GALNT1: variants seen among roughly 807,000 people sequenced by gnomAD.
GALNT1 encodes GalNAc transferase 1.
Under a neutral mutation model 65.7 loss-of-function variants are expected in GALNT1, and 17 were observed. The ratio of observed to expected loss-of-function variants is 0.26; its 90% CI spans 0.18 to 0.39. GALNT1 has a LOEUF of 0.39. Ranked by LOEUF, GALNT1 falls within the 10% of genes least tolerant of loss-of-function variation. The pLI is 1.00. For synonymous variants in GALNT1, 210 were observed against 219.7 expected (o/e 0.96, Z 0.39); for missense variants, 460 against 672.8 (o/e 0.68, Z 3.50).
At chr18:35,655,438 G>A (rs1360161070) in intron 2 of GALNT1, among the ~76,000 whole-genome samples, 1 of 151,028 alleles carries the variant, frequency 6.6e-6, no homozygotes, top group African/African-American at 2.4e-5. Flanking sequence ...GAGGACATTG[G>A]AAAATTCAGT....
chr18:35,612,795 G>A (rs373425397), intron 1 of GALNT1, among the ~76,000 whole-genome samples: 1 of 152,080 alleles, frequency 6.6e-6, no homozygotes, highest in East Asian at 1.9e-4. Context: ...AACCCAGGAG[G>A]TGGAGGTTGC....
chr18:35,624,469 C>T (rs969977970), intron 1 of GALNT1, among the ~76,000 whole-genome samples: 2 of 151,974 alleles, frequency 1.3e-5, no homozygotes, highest in African/African-American at 2.4e-5. Context: ...GTGTATGTCT[C>T]GTAAATAGCA....
At chr18:35,668,190 C>T (rs989496951) in intron 3 of GALNT1, among the ~76,000 whole-genome samples, 5 of 151,980 alleles carry the variant, frequency 3.3e-5, no homozygotes, top group African/African-American at 1.2e-4. Context: ...AGAGTGGAAA[C>T]TTAAAACTTG....
intron 1 of GALNT1, among the ~76,000 whole-genome samples, chr18:35,582,463 A>G (rs2046334231): frequency 1.3e-5 from 2 of 152,168 alleles, no homozygotes; most frequent in Non-Finnish European, 2.9e-5. Context: ...GATGATTTGC[A>G]TTGTCATTGC....
intron 9 of GALNT1, among the ~76,000 whole-genome samples, chr18:35,693,548 G>A (rs2048003734): frequency 1.3e-5 from 2 of 152,198 alleles, no homozygotes; most frequent in Non-Finnish European, 2.9e-5. Flanking sequence ...GGAAACAGGA[G>A]TAGAGCTGGT....
chr18:35,692,415 A>C, intron 9 of GALNT1, 95 bp downstream of exon 9: 1 of 731,346 alleles, frequency 1.4e-6, no homozygotes, highest in Non-Finnish European at 2.0e-6. Flanking sequence ...CAATAAGGAA[A>C]GTACCTTCAT....
rs75570628 is a variant in GALNT1, at chr18:35,620,781, C to CTTT, written c.-103-33768_-103-33766dup. On this transcript the variant is annotated intron_variant, in intron 1 of 11. Transcript: ENST00000269195. The stretch of plus-strand genomic sequence containing the variant: ...GTTCATGTGTACATTTAGGTTGTTA[C>CTTT]TTTTTTTTTTTTTGGTCATTATAAA... 5.7e-3 allele frequency among the ~76,000 whole-genome samples: 817 copies of CTTT among 142,134 alleles called. 17 individuals are homozygous for CTTT. The East Asian group carries it at 0.063, about 11-fold the overall frequency. 93.2% of individuals were successfully genotyped at this position (142,134 alleles called of 152,430 possible). A position where few individuals can be genotyped will look rare whatever the true frequency, so the allele number is the denominator to read the frequency against.
Position 35,687,019 on chromosome 18 carries a change from A to T in GALNT1, c.693A>T (p.Arg231Ser). 1 of 1,608,852 alleles carries T rather than the reference A, an allele frequency of 6.2e-7. No homozygotes were observed. Among genetic ancestry groups the T allele is most frequent in the East Asian group, 2.2e-5 (1 of 44,674 alleles). Reference sequence around the variant, plus strand: ...TAACTTGCTTTTATGACATCAGGAGAACAGTGGTGTGTCCCATCATCGATG... The same window carrying T: ...TAACTTGCTTTTATGACATCAGGAGTACAGTGGTGTGTCCCATCATCGATG... ...PLLARIKHDR[R>S]TVVCPIIDVI... The change falls in exon 6 of 12, where the codon AGA becomes AGT. Residue 231 changes from arginine (R) to serine (S), a missense_variant. Physicochemically the swap from Arg to Ser is moderately radical, Grantham distance 110. Coordinates refer to ENST00000269195, the MANE Select transcript of GALNT1 (RefSeq NM_020474.4).
intron 1 of GALNT1, chr18:35,597,334 G>T (rs893233882): frequency 6.6e-6 from 1 of 152,196 alleles, no homozygotes; most frequent in Non-Finnish European, 1.5e-5. Flanking sequence ...TTCTCACTGG[G>T]ATTATACAAG....
intron 3 of GALNT1, among the ~76,000 whole-genome samples, chr18:35,666,715 G>C (rs1049827744): frequency 1.2e-4 from 19 of 152,124 alleles, no homozygotes; most frequent in African/African-American, 4.1e-4. Context: ...ATGATATTAG[G>C]AATAGTGTTG....
chr18:35,692,546 A>G (rs2047985384), intron 9 of GALNT1, among the ~76,000 whole-genome samples: 1 of 151,820 alleles, frequency 6.6e-6, no homozygotes, highest in Non-Finnish European at 1.5e-5. Flanking sequence ...GCGCCTGGAG[A>G]TAAGCTGTGT....
rs181980502 is a variant in GALNT1 at position 35,697,322 on chromosome 18, G to C, written c.1299+5002G>C. 3.3e-5 allele frequency among the ~76,000 whole-genome samples: 5 copies of C among 152,252 alleles called. No individual in the cohort carries two copies. In the East Asian group the frequency reaches 9.6e-4, roughly 29 times the overall value. ...TGTGTTGTAAATAATATTGATATCT[G>C]ATGTCCCCAAGGTGCTCAATTAGAA... is the stretch of plus-strand genomic sequence containing the variant. On this transcript the variant is annotated intron_variant, in intron 9 of 11. Transcript: ENST00000269195.
chr18:35,620,340 G>A (rs920637533), intron 1 of GALNT1, among the ~76,000 whole-genome samples: 3 of 151,992 alleles, frequency 2.0e-5, no homozygotes, highest in African/African-American at 7.3e-5. Flanking sequence ...TCTGATATTG[G>A]CCAACCTAAT....
intron 2 of GALNT1, among the ~76,000 whole-genome samples, chr18:35,663,167 A>G (rs903219458): frequency 2.0e-5 from 3 of 152,164 alleles, no homozygotes; most frequent in African/African-American, 7.2e-5. Flanking sequence ...AAAGGCATGG[A>G]AGCAGGAGAA....
intron 3 of GALNT1, among the ~76,000 whole-genome samples, chr18:35,676,101 G>T (rs997294217): frequency 7.9e-5 from 12 of 152,166 alleles, no homozygotes; most frequent in African/African-American, 2.7e-4. Context: ...CACCTCTTTA[G>T]CCTAGACTTA....
chr18:35,587,160 C>T (rs1302571001), intron 1 of GALNT1, among the ~76,000 whole-genome samples: 1 of 152,092 alleles, frequency 6.6e-6, no homozygotes, highest in African/African-American at 2.4e-5. Context: ...GTACTCATTG[C>T]CAGTATGTAG....
chr18:35,703,487 G>T, intron 10 of GALNT1, 22 bp from the exon 11 acceptor site: 1 of 1,607,606 alleles, frequency 6.2e-7, no homozygotes, highest in Admixed American at 1.7e-5. Flanking sequence ...TTCTGTTTAT[G>T]TGTGTGCATT....
At chr18:35,604,608 C>G (rs1037322539) in intron 1 of GALNT1, among the ~76,000 whole-genome samples, 3 of 152,160 alleles carry the variant, frequency 2.0e-5, no homozygotes, top group African/African-American at 7.2e-5. Flanking sequence ...AATAGTCATT[C>G]TGACTGGTGT....
intron 5 of GALNT1, among the ~76,000 whole-genome samples, chr18:35,685,183 A>T (rs1232029611): frequency 6.6e-6 from 1 of 152,198 alleles, no homozygotes; most frequent in Non-Finnish European, 1.5e-5. Flanking sequence ...CTAGTACAAA[A>T]ATCTCACAAT....
Sources: gnomAD v4.1 joint callset for allele counts (sites outside exome capture counted in the v4.1 genomes callset) on GRCh38, gnomAD v4.1.1 for gene constraint, MANE v1.5 for transcripts, NCBI Gene and HGNC (gene_info 2026-07-23, HGNC 2026-07-21) for gene names.